The following ACTR3C variants were observed in gnomAD, a reference collection of about 807,000 sequenced individuals.
ACTR3C encodes the protein actin-related protein 3C.
In ACTR3C, 18 loss-of-function variants were observed where a neutral mutation model predicts 26.3. The ratio of observed to expected loss-of-function variants is 0.68; its 90% CI spans 0.47 to 1.01. ACTR3C has a LOEUF of 1.01. Ranked by LOEUF, ACTR3C falls within the 50% of genes least tolerant of loss-of-function variation. The pLI is 0.00. For synonymous variants in ACTR3C, 55 were observed against 94.5 expected, an observed-to-expected ratio of 0.58 and a Z score of 2.42; for missense variants, 184 against 250.7, an observed-to-expected ratio of 0.73 and a Z score of 1.80.
At chr7:150,003,359 G>GTGTGTGC in the ACTR3C span, among the ~76,000 whole-genome samples, 2 of 152,286 alleles carry the variant, frequency 1.3e-5, no homozygotes, top group African/African-American at 2.4e-5. Flanking sequence ...GTGGTATGTG[G>GTGTGTGC]TGTGTGCTGT....
chr7:150,071,092 C>A, the ACTR3C span, among the ~76,000 whole-genome samples: 4 of 150,262 alleles, frequency 2.7e-5, no homozygotes, highest in Non-Finnish European at 5.9e-5. Context: ...CCATGCCCAG[C>A]ACAAAATTGC....
chr7:150,167,732 G>A, the ACTR3C span, among the ~76,000 whole-genome samples: 1,309 of 150,562 alleles, frequency 8.7e-3, 29 homozygotes, highest in Non-Finnish European at 0.012. Context: ...CATGGAGGCG[G>A]TGCAAGCTCT....
At chr7:149,886,545 A>G in the ACTR3C span, among the ~76,000 whole-genome samples, 19 of 152,354 alleles carry the variant, frequency 1.2e-4, no homozygotes, top group East Asian at 2.5e-3. Context: ...AAAGTCTAAG[A>G]TAAAGATACC....
the ACTR3C span, among the ~76,000 whole-genome samples, chr7:150,096,159 ACCTTGGAAACTGAATC>A: frequency 3.3e-5 from 5 of 149,362 alleles, no homozygotes; most frequent in Non-Finnish European, 7.4e-5. Flanking sequence ...TCTAGCCCAC[ACCTTGGAAACTGAATC>A]CCTTTCCTTC....
At chr7:150,153,027 C>A in the ACTR3C span, among the ~76,000 whole-genome samples, 1 of 152,080 alleles carries the variant, frequency 6.6e-6, no homozygotes, top group South Asian at 2.1e-4. Context: ...ATTCTTCTCT[C>A]TTTTCTTCTT....
chr7:150,180,379 TTTCTAG>T, the ACTR3C span, among the ~76,000 whole-genome samples: 3 of 150,838 alleles, frequency 2.0e-5, no homozygotes, highest in Non-Finnish European at 2.9e-5. Context: ...GCTAAATTCA[TTTCTAG>T]AATGTTTGCC....
At chr7:150,229,473 G>A in the ACTR3C span, among the ~76,000 whole-genome samples, 5 of 151,152 alleles carry the variant, frequency 3.3e-5, no homozygotes, top group African/African-American at 1.2e-4. Flanking sequence ...TGTTGATGTA[G>A]CGTATTAGAG....
At chr7:150,288,632 G>A (rs896742237) in intron 4 of ACTR3C, among the ~76,000 whole-genome samples, 1 of 148,938 alleles carries the variant, frequency 6.7e-6, no homozygotes, top group African/African-American at 2.5e-5. Flanking sequence ...TGGAGGAAAG[G>A]CAAAGAAAGG....
At chr7:150,215,441 C>T in the ACTR3C span, among the ~76,000 whole-genome samples, 2 of 152,064 alleles carry the variant, frequency 1.3e-5, no homozygotes, top group South Asian at 2.1e-4. Context: ...GGAGATATTA[C>T]GATTATTAAT....
intron 4 of ACTR3C, 114 bp from the exon 5 acceptor site, chr7:150,286,654 C>G (rs1835801682): frequency 2.2e-6 from 3 of 1,387,474 alleles, no homozygotes; most frequent in Non-Finnish European, 2.9e-6. Flanking sequence ...CAGAACCGCC[C>G]CCACCGTTAC....
the ACTR3C span, among the ~76,000 whole-genome samples, chr7:150,226,310 C>T: frequency 6.7e-6 from 1 of 148,614 alleles, no homozygotes; most frequent in Non-Finnish European, 1.5e-5. Context: ...TTTCGCATTC[C>T]CATAAACAAT....
the ACTR3C span, among the ~76,000 whole-genome samples, chr7:149,919,699 T>G: frequency 6.6e-6 from 1 of 152,232 alleles, no homozygotes; most frequent in Admixed American, 6.5e-5. Context: ...TCGTTTTAAC[T>G]TTTGTACTAT....
chr7:150,316,674 C>T (rs1366653757), intron 1 of ACTR3C, among the ~76,000 whole-genome samples: 1 of 151,954 alleles, frequency 6.6e-6, no homozygotes, highest in Non-Finnish European at 1.5e-5. Flanking sequence ...TTAGTAGAGA[C>T]GGGGTTTCAC....
the ACTR3C span, among the ~76,000 whole-genome samples, chr7:150,121,233 G>A: frequency 7.2e-4 from 110 of 152,244 alleles, no homozygotes; most frequent in African/African-American, 2.6e-3. Flanking sequence ...TTGCCAGGGC[G>A]ATCAGGCAAG....
the ACTR3C span, among the ~76,000 whole-genome samples, chr7:150,123,319 G>A: frequency 2.0e-5 from 3 of 152,130 alleles, no homozygotes; most frequent in Admixed American, 1.3e-4. Context: ...CCTCTCATAA[G>A]GAGCTGGTGA....
the ACTR3C span, among the ~76,000 whole-genome samples, chr7:150,179,724 C>G: frequency 6.6e-6 from 1 of 151,702 alleles, no homozygotes; most frequent in Admixed American, 6.5e-5. Flanking sequence ...TTCCTGGCCT[C>G]AAGAAATCCT....
chr7:149,925,109 C>T, the ACTR3C span, among the ~76,000 whole-genome samples: 45 of 151,220 alleles, frequency 3.0e-4, no homozygotes, highest in Middle Eastern at 6.8e-3. Flanking sequence ...AAGATAAAAT[C>T]GAAGAGAAGG....
chr7:150,010,713 T>A, the ACTR3C span, among the ~76,000 whole-genome samples: 40 of 106,234 alleles, frequency 3.8e-4, no homozygotes, highest in South Asian at 1.5e-3. Context: ...AAAAAAAAAA[T>A]AAGCTCTGTG....
chr7:149,987,669 A>G, the ACTR3C span, among the ~76,000 whole-genome samples: 1 of 142,852 alleles, frequency 7.0e-6, no homozygotes, highest in African/African-American at 2.5e-5. Context: ...GTTAGTTTTC[A>G]TATTTTCTCC....
Sources: gnomAD v4.1 joint callset for allele counts (sites outside exome capture counted in the v4.1 genomes callset) on GRCh38, gnomAD v4.1.1 for gene constraint, MANE v1.5 for transcripts, NCBI Gene and HGNC (gene_info 2026-07-23, HGNC 2026-07-21) for gene names.